Variants in ZFPM2 observed in about 807,000 individuals in gnomAD.
ZFPM2 encodes the protein zinc finger protein ZFPM2.
Under a neutral mutation model 98.6 loss-of-function variants are expected in ZFPM2, and 20 were observed. The ratio of observed to expected loss-of-function variants is 0.20; its 90% CI spans 0.14 to 0.29. ZFPM2 has a LOEUF of 0.29. Ranked by LOEUF, ZFPM2 falls within the 10% of genes least tolerant of loss-of-function variation. The pLI, the probability that ZFPM2 is intolerant of heterozygous loss-of-function variation, is 1.00. For missense variants in ZFPM2, 1,310 were observed against 1,388.6 expected (o/e 0.94, Z 0.90); for synonymous variants, 518 against 502.7 (o/e 1.03, Z -0.41).
At chr8:105,480,839 C>G (rs1399996080) in intron 3 of ZFPM2, among the ~76,000 whole-genome samples, 1 of 151,800 alleles carries the variant, frequency 6.6e-6, no homozygotes, top group East Asian at 1.9e-4. Flanking sequence ...CAAGCTCCAC[C>G]TCCCAGGTTC....
intron 1 of ZFPM2, among the ~76,000 whole-genome samples, chr8:105,381,515 A>C (rs1437767140): frequency 2.0e-5 from 3 of 152,032 alleles, no homozygotes; most frequent in South Asian, 2.1e-4. Flanking sequence ...CTCTCCCCCA[A>C]AACACCTAAC....
chr8:105,750,081 A>T (rs1338954452), intron 5 of ZFPM2, among the ~76,000 whole-genome samples: 2 of 152,082 alleles, frequency 1.3e-5, no homozygotes, highest in Non-Finnish European at 2.9e-5. Context: ...TATTTATTGA[A>T]TACCTACTAT....
At chr8:105,788,104 A>G (rs936387554) in intron 5 of ZFPM2, among the ~76,000 whole-genome samples, 3 of 152,194 alleles carry the variant, frequency 2.0e-5, no homozygotes, top group Non-Finnish European at 2.9e-5. Flanking sequence ...AAGAAGCTAC[A>G]TTATACGGAA....
chr8:105,347,305 A>G (rs1168999642), intron 1 of ZFPM2, among the ~76,000 whole-genome samples: 1 of 152,186 alleles, frequency 6.6e-6, no homozygotes, highest in Non-Finnish European at 1.5e-5. Context: ...CCAGTCATTG[A>G]TGTCAATAAA....
chr8:105,801,722 G>C lies in ZFPM2; in HGVS notation c.1640G>C (p.Gly547Ala), dbSNP rs1329343179. 2.5e-6 allele frequency: 4 copies of C among 1,613,722 alleles called. No individual in the cohort carries two copies. Among genetic ancestry groups the C allele is most frequent in the Non-Finnish European group, 3.4e-6 (4 of 1,179,846 alleles). ...PVIYSPLMPKGATCFECNITF... is the reference protein window; with the variant it reads ...PVIYSPLMPKAATCFECNITF... ...ATTTACAGCCCTTTGATGCCCAAGGGGGCTACTTGTTTTGAGTGTAACATA... is the reference window on the plus strand; with the variant it reads ...ATTTACAGCCCTTTGATGCCCAAGGCGGCTACTTGTTTTGAGTGTAACATA... Residue 547 changes from glycine to alanine, a missense_variant, in exon 8 of 8, where the codon GGG becomes GCG. Gly to Ala is a moderately conservative substitution (Grantham distance 60, BLOSUM62 0). Coordinates refer to ENST00000407775, the MANE Select transcript of ZFPM2 (RefSeq NM_012082.4).
chr8:105,485,873 C>T (rs78339281), intron 3 of ZFPM2, among the ~76,000 whole-genome samples: 8,252 of 152,080 alleles, frequency 0.054, 806 homozygotes, highest in African/African-American at 0.19. Flanking sequence ...CTAGAAGAAG[C>T]GATTTAAGCT....
chr8:105,580,505 G>T (rs886885098), intron 4 of ZFPM2, among the ~76,000 whole-genome samples: 4 of 152,056 alleles, frequency 2.6e-5, no homozygotes, highest in Admixed American at 2.0e-4. Flanking sequence ...TGACCTTGAT[G>T]ATGGAACCAG....
intron 4 of ZFPM2, among the ~76,000 whole-genome samples, chr8:105,578,797 C>G (rs947199119): frequency 3.3e-5 from 5 of 152,076 alleles, no homozygotes; most frequent in Admixed American, 2.0e-4. Flanking sequence ...CTTTATAATG[C>G]TTTTAGAATA....
intron 3 of ZFPM2, among the ~76,000 whole-genome samples, chr8:105,452,467 T>C (rs1812503833): frequency 6.6e-6 from 1 of 151,824 alleles, no homozygotes; most frequent in African/African-American, 2.4e-5. Context: ...GTATGCACTG[T>C]CCAGGCATGG....
In ZFPM2 at chr8:105,803,206, G is replaced by C. The variant is rs545237723; in HGVS notation, c.3124G>C (p.Val1042Leu). ...LPLLPKNRGM[V>L]IVNGGLKQDE... ...ATTGTTGCCCAAAAATCGAGGAATGGTAATAGTGAATGGTGGACTGAAACA... is the reference window on the plus strand; with the variant it reads ...ATTGTTGCCCAAAAATCGAGGAATGCTAATAGTGAATGGTGGACTGAAACA... The change falls in exon 8 of 8, where the codon GTA becomes CTA. Residue 1042 changes from valine to leucine, a missense_variant. Val to Leu is a conservative substitution (Grantham distance 32). Coordinates refer to ENST00000407775, the MANE Select transcript of ZFPM2 (RefSeq NM_012082.4). The C allele has an allele frequency of 2.5e-6, 4 of 1,613,484 alleles. No homozygotes were observed. The South Asian group carries it at 4.4e-5, about 18-fold the overall frequency.
chr8:105,608,334 A>C (rs2130794949), intron 4 of ZFPM2, among the ~76,000 whole-genome samples: 1 of 152,278 alleles, frequency 6.6e-6, no homozygotes, highest in South Asian at 2.1e-4. Context: ...TTCTAAAAAA[A>C]GAAAAAATCC....
chr8:105,327,054 T>G (rs1812128253), intron 1 of ZFPM2, among the ~76,000 whole-genome samples: 1 of 151,548 alleles, frequency 6.6e-6, no homozygotes, highest in Non-Finnish European at 1.5e-5. Context: ...TGTCAATTGA[T>G]TTCTTTCTTA....
chr8:105,681,283 C>A (rs1810594158), intron 5 of ZFPM2, among the ~76,000 whole-genome samples: 1 of 152,138 alleles, frequency 6.6e-6, no homozygotes, highest in Admixed American at 6.5e-5. Context: ...TTCCCAGAAT[C>A]CATCCTACCA....
chr8:105,428,464 A>T (rs1010245925), intron 2 of ZFPM2, among the ~76,000 whole-genome samples: 1 of 152,206 alleles, frequency 6.6e-6, no homozygotes, highest in Admixed American at 6.5e-5. Flanking sequence ...AACTGAAATT[A>T]TATTACCTTG....
At chr8:105,489,885 A>C (rs1813323676) in intron 3 of ZFPM2, among the ~76,000 whole-genome samples, 1 of 152,174 alleles carries the variant, frequency 6.6e-6, no homozygotes, top group Admixed American at 6.5e-5. Context: ...TGAAGATTTT[A>C]ACAAAGGGGA....
intron 3 of ZFPM2, among the ~76,000 whole-genome samples, chr8:105,522,611 A>T (rs1477703735): frequency 6.6e-6 from 1 of 152,112 alleles, no homozygotes; most frequent in Non-Finnish European, 1.5e-5. Context: ...CTCTACTAAA[A>T]ATACAAAAAT....
chr8:105,525,781 A>G (rs1030981744), intron 3 of ZFPM2, among the ~76,000 whole-genome samples: 2 of 152,210 alleles, frequency 1.3e-5, no homozygotes, highest in Non-Finnish European at 1.5e-5. Context: ...CAGTGTGGTG[A>G]TGTCCCCAGA....
chr8:105,484,970 C>G (rs896883448), intron 3 of ZFPM2, among the ~76,000 whole-genome samples: 7 of 152,112 alleles, frequency 4.6e-5, no homozygotes, highest in African/African-American at 1.7e-4. Context: ...ACAGCCAAAC[C>G]CTGATAAAGA....
At chr8:105,550,519 C>T (rs1814826435) in intron 3 of ZFPM2, among the ~76,000 whole-genome samples, 1 of 152,172 alleles carries the variant, frequency 6.6e-6, no homozygotes, top group Non-Finnish European at 1.5e-5. Flanking sequence ...ATTATACCTA[C>T]TCTTTTTACT....
Sources: allele counts gnomAD v4.1 joint callset (sites outside exome capture counted in the v4.1 genomes callset), GRCh38; gene constraint gnomAD v4.1.1; transcripts MANE v1.5; gene names NCBI Gene and HGNC (gene_info 2026-07-23, HGNC 2026-07-21).